The following RBM12 variants were observed in gnomAD, a reference collection of about 807,000 sequenced individuals.
The protein encoded by RBM12 is RNA-binding protein 12.
A neutral mutation model predicts 37.2 loss-of-function variants in RBM12; 24 were observed. The ratio of observed to expected loss-of-function variants is 0.65; its 90% CI spans 0.47 to 0.91. The LOEUF (loss-of-function observed/expected upper bound fraction) is 0.91, where lower values mean the gene tolerates loss of function less well. RBM12 is among the 40% of genes least tolerant of loss of function. The pLI is 0.00. For synonymous variants in RBM12, 420 were observed against 425.2 expected, an observed-to-expected ratio of 0.99 and a Z score of 0.15; for missense variants, 1,061 against 1,183.2, an observed-to-expected ratio of 0.90 and a Z score of 1.52.
rs1269375667 is a variant in RBM12 at position 35,651,203 on chromosome 20, G to C, written c.*1321C>G. 1 of 152,164 alleles carries C rather than the reference G, an allele frequency of 6.6e-6. No individual in the cohort carries two copies. Among genetic ancestry groups the C allele is most frequent in the East Asian group, 1.9e-4 (1 of 5,192 alleles). 9.4% of individuals were successfully genotyped at this position (152,164 alleles called of 1,614,324 possible). A position where few individuals can be genotyped will look rare whatever the true frequency, so the allele number is the denominator to read the frequency against. ...TAATGTGACACATCTTCAGAGCACT[G>C]ACTAGGGAAATCATAATTAGAGCCT... On this transcript the variant is annotated 3_prime_UTR_variant, in exon 3 of 3. Coordinates refer to ENST00000374114, the MANE Select transcript of RBM12 (RefSeq NM_006047.6).
rs1316789484 is a variant in RBM12 at position 35,652,180 on chromosome 20, AC to A, written c.*343del. On this transcript the variant is annotated 3_prime_UTR_variant, in exon 3 of 3. Coordinates refer to ENST00000374114, the MANE Select transcript of RBM12 (RefSeq NM_006047.6). ...GGCAAGAGCACCCTCAATGAGTTCT[AC>A]TGACATTTCTATTTTCTTCATCCCA... The A allele has an allele frequency of 1.7e-5, 3 of 179,030 alleles. No homozygotes were observed. Among genetic ancestry groups the A allele is most frequent in the Non-Finnish European group, 3.5e-5 (3 of 85,654 alleles). 11.1% of individuals were successfully genotyped at this position (179,030 alleles called of 1,614,324 possible).
In RBM12 at chr20:35,655,254, G is replaced by A. The variant is rs1601481167; in HGVS notation, c.69C>T (p.Phe23=). The change falls in exon 3 of 3, where the codon TTC becomes TTT. Residue 23 remains phenylalanine (F), a synonymous_variant. Coordinates refer to ENST00000374114, the MANE Select transcript of RBM12 (RefSeq NM_006047.6). ...VAGTMDIRHF[F]SGLTIPDGGV... The stretch of plus-strand genomic sequence containing the variant: ...CCCCATCAGGAATGGTCAATCCAGA[G>A]AAGAAGTGGCGAATGTCCATGGTCC... The A allele has an allele frequency of 3.7e-6, 6 of 1,613,508 alleles. No homozygotes were observed. Among genetic ancestry groups the A allele is most frequent in the Non-Finnish European group, 5.1e-6 (6 of 1,180,018 alleles).
At chr20:35,663,685 A>T (rs989648082) in intron 1 of RBM12, among the ~76,000 whole-genome samples, 2 of 152,184 alleles carry the variant, frequency 1.3e-5, no homozygotes, top group Non-Finnish European at 2.9e-5. Flanking sequence ...CTTAATACTG[A>T]GTAACCCTCA....
intron 1 of RBM12, among the ~76,000 whole-genome samples, chr20:35,660,365 C>T (rs1022950374): frequency 3.3e-5 from 5 of 152,058 alleles, no homozygotes; most frequent in Admixed American, 3.3e-4. Context: ...TACAGGCTTG[C>T]GCCACCACCC....
chr20:35,652,826 G>C lies in RBM12; in HGVS notation c.2497C>G (p.Pro833Ala). 2 of 1,604,168 alleles carry C rather than the reference G, an allele frequency of 1.2e-6. No individual in the cohort carries two copies. The highest frequency in any genetic ancestry group is 1.7e-6 in the Non-Finnish European group (2 of 1,175,002). The change falls in exon 3 of 3, where the codon CCC (proline) becomes GCC (alanine). Residue 833 changes from proline (P) to alanine (A), a missense_variant. By Grantham distance (27) the Pro-to-Ala change is conservative. Coordinates refer to ENST00000374114, the MANE Select transcript of RBM12 (RefSeq NM_006047.6). ...CCAATATGGATTGGGCCAGGGCCGG[G>C]GCCGGGGCCGGGGCCAGGCCCAAAA... is the stretch of plus-strand genomic sequence containing the variant. ...PAFGPGPGPG[P>A]GPGPIHIGGP... is the part of the protein sequence containing the mutation.
rs764525085 is a variant in RBM12, at chr20:35,652,651, T to C, written c.2672A>G (p.Asn891Ser). The C allele has an allele frequency of 1.2e-5, 19 of 1,614,034 alleles. 1 individual carries two copies. The highest frequency in any genetic ancestry group is 9.9e-5 in the South Asian group (9 of 91,086). ...TTCACCTGTGGGCATACCTTTTTCA[T>C]TGTATTTTAAACACACTGAGCCTGG... ...VIPGSVCLKY[N>S]EKGMPTGEAM... is the part of the protein sequence containing the mutation. The change falls in exon 3 of 3, where the codon AAT becomes AGT. Residue 891 changes from asparagine (N) to serine (S), a missense_variant. This residue lies in a region of RBM12 where 517 missense variants were observed against 534.0 expected (regional missense o/e 0.97). Coordinates refer to ENST00000374114, the MANE Select transcript of RBM12 (RefSeq NM_006047.6).
chr20:35,655,707 T>G (rs1034502871), intron 2 of RBM12, among the ~76,000 whole-genome samples: 3 of 152,134 alleles, frequency 2.0e-5, no homozygotes, highest in African/African-American at 7.2e-5. Context: ...TTTAACAATC[T>G]ATAGGGAAAA....
intron 1 of RBM12, among the ~76,000 whole-genome samples, 169 bp from the exon 2 acceptor site, chr20:35,659,183 A>G (rs2034091024): frequency 6.6e-6 from 1 of 151,940 alleles, no homozygotes; most frequent in Non-Finnish European, 1.5e-5. Flanking sequence ...AATCCCACAC[A>G]TGCTTTTTAG....
chr20:35,658,850 T>A, intron 2 of RBM12, 80 bp downstream of exon 2: 1 of 688,384 alleles, frequency 1.5e-6, no homozygotes, highest in Non-Finnish European at 2.7e-6. Context: ...ATATAGTTGC[T>A]ACATATATTT....
rs765102716 is a variant in RBM12 at position 35,650,273 on chromosome 20, C to T, written c.*2251G>A. 1 of 152,124 alleles carries T rather than the reference C, an allele frequency of 6.6e-6. No homozygotes were observed. The highest frequency in any genetic ancestry group is 2.4e-5 in the African/African-American group (1 of 41,424). 9.4% of individuals were successfully genotyped at this position (152,124 alleles called of 1,614,324 possible). Reference sequence around the variant, plus strand: ...TATTTAATTAGATGAACAATGAAATCGTTTTCCTTTTCAGCATTTATCTAA... The same window carrying T: ...TATTTAATTAGATGAACAATGAAATTGTTTTCCTTTTCAGCATTTATCTAA... On this transcript the variant is annotated 3_prime_UTR_variant, in exon 3 of 3. Transcript: ENST00000374114.
chr20:35,659,143 A>AG, intron 1 of RBM12, 129 bp from the exon 2 acceptor site: 1 of 434,316 alleles, frequency 2.3e-6, no homozygotes, highest in East Asian at 3.5e-5. Context: ...CATATCAAAA[A>AG]AAAAAAAAAA....
rs2033941321 is a variant in RBM12 at position 35,656,998 on chromosome 20, G to T, written c.-22-1654C>A. ...TATAAATACTAATGCAACAAAATCT[G>T]TAATTATATCTCAATATTACAACTG... On this transcript the variant is annotated intron_variant, in intron 2 of 2. Transcript: ENST00000374114. Among the ~76,000 whole-genome samples the T allele has an allele frequency of 3.3e-5, 5 of 152,150 alleles. No homozygotes were observed. The South Asian group carries it at 1.0e-3, about 31-fold the overall frequency.
At chr20:35,662,161 C>T (rs1048160353) in intron 1 of RBM12, among the ~76,000 whole-genome samples, 2 of 152,098 alleles carry the variant, frequency 1.3e-5, no homozygotes, top group African/African-American at 4.8e-5. Context: ...ACCTCCATTC[C>T]GTACTCAAAG....
chr20:35,652,207 T>A lies in RBM12; in HGVS notation c.*317A>T, dbSNP rs1204622256. ...TGACATTTCTATTTTCTTCATCCCA[T>A]ATGGTATAAAACAAAACCAATCTAG... On this transcript the variant is annotated 3_prime_UTR_variant, in exon 3 of 3. Transcript: ENST00000374114. The A allele has an allele frequency of 4.8e-6, 1 of 206,396 alleles. No homozygotes were observed. The highest frequency in any genetic ancestry group is 9.7e-6 in the Non-Finnish European group (1 of 102,866). 12.8% of individuals were successfully genotyped at this position (206,396 alleles called of 1,614,324 possible).
rs2146370051 is a variant in RBM12, at chr20:35,658,978, C to T, written c.-71G>A. 1 of 717,182 alleles carries T rather than the reference C, an allele frequency of 1.4e-6. No homozygotes were observed. Among genetic ancestry groups the T allele is most frequent in the East Asian group, 2.7e-5 (1 of 37,278 alleles). 44.4% of individuals were successfully genotyped at this position (717,182 alleles called of 1,614,324 possible). A position where few individuals can be genotyped will look rare whatever the true frequency, so the allele number is the denominator to read the frequency against. ...CCTTAACAAGAAGTAGAGGCCAAGT[C>T]AATCCTGTGGGCAACCAATTAAAAC... On this transcript the variant is annotated 5_prime_UTR_variant, in exon 2 of 3. Coordinates refer to ENST00000374114, the MANE Select transcript of RBM12 (RefSeq NM_006047.6).
At chr20:35,660,133 T>G (rs1338604011) in intron 1 of RBM12, among the ~76,000 whole-genome samples, 3 of 152,240 alleles carry the variant, frequency 2.0e-5, no homozygotes, top group Non-Finnish European at 4.4e-5. Context: ...GCTATGCAAA[T>G]ATGTAATCAA....
At position 35,652,420 on chromosome 20, in the gene RBM12, T is replaced by C. The variant is rs1290511287; in HGVS notation, c.*104A>G. 56 of 1,357,964 alleles carry C rather than the reference T, an allele frequency of 4.1e-5. No individual in the cohort carries two copies. The highest frequency in any genetic ancestry group is 4.3e-4 in the Middle Eastern group (2 of 4,604). The allele number at this position is 1,357,964 out of a possible 1,614,324, so 84.1% of individuals were successfully genotyped here. A position where few individuals can be genotyped will look rare whatever the true frequency, so the allele number is the denominator to read the frequency against. On this transcript the variant is annotated 3_prime_UTR_variant, in exon 3 of 3. Transcript: ENST00000374114. ...GTTATGGAAACCAAGCTATATGCAA[T>C]TGAAACAATCCACAGGTTCTAACCT...
rs780895846 is a variant in RBM12, at chr20:35,652,723, A to G, written c.2600T>C (p.Val867Ala). 1 of 1,614,080 alleles carries G rather than the reference A, an allele frequency of 6.2e-7. No individual in the cohort carries two copies. The highest frequency in any genetic ancestry group is 1.1e-5 in the South Asian group (1 of 91,070). ...VIKVQNMPFT[V>A]SIDEILDFFY... ...GAAATCTAAAATCTCATCAATAGACACAGTAAAGGGCATGTTTTGCACTTT... is the reference window on the plus strand; with the variant it reads ...GAAATCTAAAATCTCATCAATAGACGCAGTAAAGGGCATGTTTTGCACTTT... The change falls in exon 3 of 3, where the codon GTG becomes GCG. Residue 867 changes from valine to alanine, a missense_variant. Val to Ala is a moderately conservative substitution (Grantham distance 64, BLOSUM62 0). Coordinates refer to ENST00000374114, the MANE Select transcript of RBM12 (RefSeq NM_006047.6).
In RBM12 at chr20:35,652,416, G is replaced by T; in HGVS notation, c.*108C>A. ...CTATGTTATGGAAACCAAGCTATAT[G>T]CAATTGAAACAATCCACAGGTTCTA... On this transcript the variant is annotated 3_prime_UTR_variant, in exon 3 of 3. Transcript: ENST00000374114. 1 of 1,295,768 alleles carries T rather than the reference G, an allele frequency of 7.7e-7. No homozygotes were observed. The highest frequency in any genetic ancestry group is 1.1e-6 in the Non-Finnish European group (1 of 943,962). The allele number at this position is 1,295,768 out of a possible 1,614,324, so 80.3% of individuals were successfully genotyped here. A position where few individuals can be genotyped will look rare whatever the true frequency, so the allele number is the denominator to read the frequency against.
Sources: allele counts gnomAD v4.1 joint callset (sites outside exome capture counted in the v4.1 genomes callset), GRCh38; gene constraint gnomAD v4.1.1; regional missense constraint gnomAD v4.1.1; transcripts MANE v1.5; gene names NCBI Gene and HGNC (gene_info 2026-07-23, HGNC 2026-07-21).